The following UVRAG variants were observed in gnomAD, a reference collection of about 807,000 sequenced individuals.
UVRAG encodes the protein UV radiation resistance-associated gene protein.
UVRAG carries 19 observed loss-of-function variants against 78.0 expected under a neutral mutation model. The observed-to-expected ratio is 0.24, with a 90% confidence interval of 0.17 to 0.36. The LOEUF (loss-of-function observed/expected upper bound fraction) is 0.36. Among genes scored for constraint, UVRAG ranks in the 10% least tolerant of loss-of-function variants. The probability of loss-of-function intolerance (pLI) is 1.00; values close to 1 mark genes in which losing one functional copy is unlikely to be tolerated. For synonymous variants in UVRAG, 323 were observed against 324.6 expected (o/e 1.00, Z 0.05); for missense variants, 740 against 853.8 (o/e 0.87, Z 1.66).
At chr11:76,027,636 G>C (rs555627444) in intron 12 of UVRAG, among the ~76,000 whole-genome samples, 10 of 152,162 alleles carry the variant, frequency 6.6e-5, no homozygotes, top group African/African-American at 1.9e-4. Flanking sequence ...GATTAAATAA[G>C]CGCAGTGCTT....
intron 6 of UVRAG, among the ~76,000 whole-genome samples, chr11:75,958,887 C>A (rs1329649071): frequency 2.6e-5 from 4 of 152,190 alleles, no homozygotes; most frequent in Non-Finnish European, 4.4e-5. Context: ...TGTTAGCAGA[C>A]ATGAAAACAT....
At chr11:76,062,662 G>A (rs1457412964) in intron 12 of UVRAG, among the ~76,000 whole-genome samples, 1 of 152,152 alleles carries the variant, frequency 6.6e-6, no homozygotes, top group East Asian at 1.9e-4. Flanking sequence ...TTCAGAGGCA[G>A]TAGAGAGAAT....
intron 6 of UVRAG, among the ~76,000 whole-genome samples, chr11:75,947,996 C>T (rs1176792672): frequency 6.6e-6 from 1 of 152,078 alleles, no homozygotes; most frequent in African/African-American, 2.4e-5. Context: ...ACTATTGTGC[C>T]TGAGCTAGAT....
At chr11:75,965,468 C>A (rs1275996366) in intron 7 of UVRAG, among the ~76,000 whole-genome samples, 4 of 152,160 alleles carry the variant, frequency 2.6e-5, no homozygotes, top group African/African-American at 9.7e-5. Flanking sequence ...TCCACCACCA[C>A]GCCCAGTTAA....
chr11:75,870,918 G>A lies in UVRAG; in HGVS notation c.271-8961G>A, dbSNP rs926362468. On this transcript the variant is annotated intron_variant, in intron 3 of 14. Transcript: ENST00000356136. ...GAGTTTCACTCTTGTTGCCCAGGCT[G>A]GAGTGCAATGGCGCGATCCCGGCTC... Among the ~76,000 whole-genome samples, 4 of 151,680 alleles carry A rather than the reference G, an allele frequency of 2.6e-5. No individual in the cohort carries two copies. In the East Asian group the frequency reaches 7.7e-4, roughly 29 times the overall value.
intron 1 of UVRAG, among the ~76,000 whole-genome samples, chr11:75,817,664 A>G (rs1156964299): frequency 6.6e-5 from 10 of 152,164 alleles, no homozygotes; most frequent in East Asian, 5.8e-4. Context: ...TTTTATCTGT[A>G]TATAGTAAAG....
intron 2 of UVRAG, among the ~76,000 whole-genome samples, chr11:75,857,853 A>C (rs1397350623): frequency 6.7e-6 from 1 of 150,128 alleles, no homozygotes; most frequent in Non-Finnish European, 1.5e-5. Context: ...CATGTTTCTC[A>C]GAGAAAGTCT....
intron 3 of UVRAG, among the ~76,000 whole-genome samples, chr11:75,865,666 G>A (rs971026486): frequency 1.4e-4 from 21 of 151,934 alleles, no homozygotes; most frequent in African/African-American, 4.8e-4. Flanking sequence ...CCAGGCTGGG[G>A]TGCAGTGGCA....
chr11:76,030,208 T>G (rs1194716476), intron 12 of UVRAG, among the ~76,000 whole-genome samples: 1 of 152,134 alleles, frequency 6.6e-6, no homozygotes, highest in African/African-American at 2.4e-5. Flanking sequence ...ATTTTTATTT[T>G]TATTTGTAGA....
At chr11:75,891,895 G>T (rs1255584507) in intron 5 of UVRAG, among the ~76,000 whole-genome samples, 1 of 151,936 alleles carries the variant, frequency 6.6e-6, no homozygotes, top group Admixed American at 6.6e-5. Flanking sequence ...CAATGGACGA[G>T]ACCCTGTCTC....
intron 12 of UVRAG, among the ~76,000 whole-genome samples, chr11:76,035,250 A>G (rs1042584640): frequency 1.3e-5 from 2 of 152,188 alleles, no homozygotes; most frequent in Non-Finnish European, 2.9e-5. Context: ...GAGAGATATA[A>G]GAATTTTGTA....
Position 75,827,560 on chromosome 11 carries a change from G to A in UVRAG, c.117+12036G>A, listed in dbSNP as rs186615529. Among the ~76,000 whole-genome samples, 108 of 152,208 alleles carry A rather than the reference G, an allele frequency of 7.1e-4. 1 individual carries two copies. Among genetic ancestry groups the A allele is most frequent in the African/African-American group, 2.6e-3 (106 of 41,526 alleles). ...CAGGAGGCGGAGGTTGCAGTGAGCCGAGATCACGCCACTGCACTCCAGCCT... is the reference window on the plus strand; with the variant it reads ...CAGGAGGCGGAGGTTGCAGTGAGCCAAGATCACGCCACTGCACTCCAGCCT... On this transcript the variant is annotated intron_variant, in intron 1 of 14. Coordinates refer to ENST00000356136, the MANE Select transcript of UVRAG (RefSeq NM_003369.4).
At chr11:76,041,817 T>C (rs1950653092) in intron 12 of UVRAG, among the ~76,000 whole-genome samples, 1 of 152,212 alleles carries the variant, frequency 6.6e-6, no homozygotes, top group Non-Finnish European at 1.5e-5. Flanking sequence ...TTAATAGCAA[T>C]AATAGTAATC....
At chr11:76,113,982 G>GT (rs1241179903) in intron 13 of UVRAG, among the ~76,000 whole-genome samples, 1 of 152,064 alleles carries the variant, frequency 6.6e-6, no homozygotes, top group Non-Finnish European at 1.5e-5. Flanking sequence ...TCTGAAAACA[G>GT]TTCAACACCC....
chr11:76,122,488 A>G (rs1952302705), intron 14 of UVRAG, among the ~76,000 whole-genome samples: 1 of 152,232 alleles, frequency 6.6e-6, no homozygotes, highest in Non-Finnish European at 1.5e-5. Context: ...GGTCAGAAGA[A>G]TTAAATAGGT....
At chr11:75,882,461 C>T (rs941579252) in intron 4 of UVRAG, among the ~76,000 whole-genome samples, 2 of 150,782 alleles carry the variant, frequency 1.3e-5, no homozygotes, top group East Asian at 1.9e-4. Flanking sequence ...TGTAATGAAC[C>T]GAGATGGCGC....
At chr11:75,848,837 A>C (rs551016701) in intron 1 of UVRAG, among the ~76,000 whole-genome samples, 1 of 152,326 alleles carries the variant, frequency 6.6e-6, no homozygotes, top group East Asian at 1.9e-4. Flanking sequence ...CTTTTGAGAT[A>C]TCTCCTGTCA....
intron 1 of UVRAG, among the ~76,000 whole-genome samples, chr11:75,829,477 A>G (rs1945606639): frequency 2.6e-5 from 4 of 152,224 alleles, no homozygotes; most frequent in Admixed American, 2.6e-4. Flanking sequence ...GGCTTCTTAA[A>G]GTTCATTTGA....
At chr11:75,815,646 G>A in intron 1 of UVRAG, 122 bp downstream of exon 1, 1 of 528,462 alleles carries the variant, frequency 1.9e-6, no homozygotes, top group Non-Finnish European at 2.9e-6. Context: ...AGGGCTCGCG[G>A]GACTGAGGAA....
Sources: gnomAD v4.1 joint callset for allele counts (sites outside exome capture counted in the v4.1 genomes callset) on GRCh38, gnomAD v4.1.1 for gene constraint, MANE v1.5 for transcripts, NCBI Gene and HGNC (gene_info 2026-07-23, HGNC 2026-07-21) for gene names.